GRIP2: variants seen among roughly 807,000 people sequenced by gnomAD.
GRIP2 encodes glutamate receptor interacting protein 2, also known as glutamate receptor-interacting protein 2.
In GRIP2, 58 loss-of-function variants were observed where a neutral mutation model predicts 108.3. The observed-to-expected ratio is 0.54, with a 90% confidence interval of 0.43 to 0.67. GRIP2 has a LOEUF of 0.67. Among genes scored for constraint, GRIP2 ranks in the 30% least tolerant of loss-of-function variants. The pLI, the probability that GRIP2 is intolerant of heterozygous loss-of-function variation, is 0.00. For synonymous variants in GRIP2, 586 were observed against 598.2 expected, an observed-to-expected ratio of 0.98 and a Z score of 0.30; for missense variants, 1,278 against 1,430.6, an observed-to-expected ratio of 0.89 and a Z score of 1.72.
intron 1 of GRIP2, among the ~76,000 whole-genome samples, chr3:14,550,163 G>C (rs11128707): frequency 6.6e-6 from 1 of 152,022 alleles, no homozygotes; most frequent in Non-Finnish European, 1.5e-5. Context: ...AGCCCCCTGC[G>C]CCCCAAACTG....
chr3:14,591,662 A>C, the GRIP2 span, among the ~76,000 whole-genome samples: 1 of 152,194 alleles, frequency 6.6e-6, no homozygotes, highest in African/African-American at 2.4e-5. Flanking sequence ...ACTTTCTGGA[A>C]GGGAGCCTGG....
At chr3:14,544,920 T>C (rs533041077), upstream of GRIP2, among the ~76,000 whole-genome samples, 1 of 152,278 alleles carries the variant, frequency 6.6e-6, no homozygotes, top group East Asian at 1.9e-4. Flanking sequence ...GTATTCCACA[T>C]CTTCCCCAGC....
upstream of GRIP2, among the ~76,000 whole-genome samples, chr3:14,560,137 C>G (rs932440726): frequency 6.6e-6 from 1 of 151,844 alleles, no homozygotes; most frequent in African/African-American, 2.4e-5. Context: ...GCCTATAGTC[C>G]CAGCTACTCA....
At position 14,522,937 on chromosome 3, in the gene GRIP2, C is replaced by T. The variant is rs1011489230; in HGVS notation, c.566+63G>A. On this transcript the variant is annotated intron_variant, in intron 6 of 23. Coordinates refer to ENST00000621039, the MANE Select transcript of GRIP2 (RefSeq NM_001080423.4). The surrounding 1 kb of genome is among the most constrained non-coding windows in gnomAD (Gnocchi z 4.3). ...AAGGGGCATGGTGACCCCACTCCAC[C>T]TTCTTCGCAGGGGAGTTGGGGCAGG... The T allele has an allele frequency of 1.4e-6, 2 of 1,415,020 alleles. No individual in the cohort carries two copies. Among genetic ancestry groups the T allele is most frequent in the East Asian group, 2.3e-5 (1 of 43,902 alleles). The allele number at this position is 1,415,020 out of a possible 1,614,324, so 87.7% of individuals were successfully genotyped here. A position where few individuals can be genotyped will look rare whatever the true frequency, so the allele number is the denominator to read the frequency against.
rs147249909 is a variant in GRIP2, at chr3:14,549,180, T to C, written c.55+6720A>G. ...AGAAATATATGATGAATGTACATAATCTCTGAATTGCCATATTGGAAAGAA... is the reference window on the plus strand; with the variant it reads ...AGAAATATATGATGAATGTACATAACCTCTGAATTGCCATATTGGAAAGAA... On this transcript the variant is annotated intron_variant, in intron 1 of 23. Transcript: ENST00000637182. 5.0e-4 allele frequency among the ~76,000 whole-genome samples: 76 copies of C among 152,380 alleles called. 1 individual carries two copies. The highest frequency in any genetic ancestry group is 1.8e-3 in the African/African-American group (76 of 41,586).
rs968392342 is a variant in GRIP2, at chr3:14,524,482, G to C, written c.314C>G (p.Thr105Ser). Residue 105 changes from threonine (T) to serine (S), a missense_variant, in exon 4 of 24, where the codon ACC becomes AGC. By Grantham distance (58) the Thr-to-Ser change is moderately conservative (BLOSUM62 1). Transcript: ENST00000621039. ...GATGATCTCATCGTGGCGGAGCCTG[G>C]TCAGGTGGATCCCGTTCACAGACCG... ...YIRSVNGIHL[T>S]RLRHDEIITL... The C allele has an allele frequency of 6.3e-7, 1 of 1,575,630 alleles. No individual in the cohort carries two copies. The highest frequency in any genetic ancestry group is 1.3e-5 in the African/African-American group (1 of 74,120).
At chr3:14,508,859 T>C (rs1694002794) in intron 17 of GRIP2, among the ~76,000 whole-genome samples, 1 of 152,170 alleles carries the variant, frequency 6.6e-6, no homozygotes, top group Non-Finnish European at 1.5e-5. Context: ...ATGTGGCTAC[T>C]AGAAAGTGTC....
intron 1 of GRIP2, 183 bp from the exon 2 acceptor site, chr3:14,526,114 G>A: frequency 1.6e-6 from 1 of 630,178 alleles, no homozygotes; most frequent in Non-Finnish European, 2.9e-6. Context: ...AGAAAGCCTG[G>A]CCCCTGCTCT....
At chr3:14,510,752 T>C (rs1694064987) in intron 16 of GRIP2, among the ~76,000 whole-genome samples, 1 of 152,166 alleles carries the variant, frequency 6.6e-6, no homozygotes, top group African/African-American at 2.4e-5. Flanking sequence ...CACTCATTTA[T>C]ATCACTATCT....
At chr3:14,577,268 C>T in the GRIP2 span, among the ~76,000 whole-genome samples, 1 of 152,182 alleles carries the variant, frequency 6.6e-6, no homozygotes, top group Non-Finnish European at 1.5e-5. Flanking sequence ...ACAAATGGTG[C>T]ATGTTTCTTT....
At chr3:14,574,501 C>A in the GRIP2 span, 2 of 731,062 alleles carry the variant, frequency 2.7e-6, no homozygotes, top group Non-Finnish European at 5.0e-6. Flanking sequence ...CGGTCCAGGG[C>A]CCTGCCAGTG....
At chr3:14,547,205 A>T (rs142310560) in intron 1 of GRIP2, among the ~76,000 whole-genome samples, 1 of 152,064 alleles carries the variant, frequency 6.6e-6, no homozygotes, top group African/African-American at 2.4e-5. Context: ...GGAAGGAAAG[A>T]AGAGAGACAG....
chr3:14,595,808 T>C, the GRIP2 span, among the ~76,000 whole-genome samples: 67 of 152,254 alleles, frequency 4.4e-4, no homozygotes, highest in Non-Finnish European at 7.8e-4. Flanking sequence ...GGTGGGGCCA[T>C]GGTGAGGGCC....
chr3:14,503,586 C>G lies in GRIP2; in HGVS notation c.2659G>C (p.Glu887Gln), dbSNP rs952686220. 7 of 1,610,946 alleles carry G rather than the reference C, an allele frequency of 4.3e-6. No individual in the cohort carries two copies. The highest frequency in any genetic ancestry group is 5.9e-6 in the Non-Finnish European group (7 of 1,178,778). Residue 887 changes from glutamate (E) to glutamine (Q), a missense_variant, in exon 21 of 24, where the codon GAG becomes CAG. Glu to Gln is a conservative substitution (Grantham distance 29). Transcript: ENST00000621039. ...LEDLESCGQS[E>Q]LLRELEASIM... ...CATACCTCCAGTTCCCTCAGCAGCT[C>G]TGACTGACCACATGACTCCAGGTCT...
Position 14,511,264 on chromosome 3 carries a change from T to C in GRIP2, c.1834A>G (p.Ile612Val). The C allele has an allele frequency of 6.2e-7, 1 of 1,614,002 alleles. No individual in the cohort carries two copies. Among genetic ancestry groups the C allele is most frequent in the Admixed American group, 1.7e-5 (1 of 60,026 alleles). ...TCCATGGGGCAGTTGTCCAGGCGGATATTGTCAATGGCCAGTAGCTTGTCG... is the reference window on the plus strand; with the variant it reads ...TCCATGGGGCAGTTGTCCAGGCGGACATTGTCAATGGCCAGTAGCTTGTCG... ...PGDKLLAIDN[I>V]RLDNCPMEDA... The change falls in exon 16 of 24, where the codon ATC becomes GTC. Residue 612 changes from isoleucine to valine, a missense_variant. By Grantham distance (29) the Ile-to-Val change is conservative. Coordinates refer to ENST00000621039, the MANE Select transcript of GRIP2 (RefSeq NM_001080423.4). This position sits in a 1 kb window ranked among gnomAD's most constrained non-coding sequence, Gnocchi z 4.1.
chr3:14,518,603 A>G (rs529837844), intron 9 of GRIP2, among the ~76,000 whole-genome samples: 1 of 152,164 alleles, frequency 6.6e-6, no homozygotes, highest in African/African-American at 2.4e-5. Flanking sequence ...TGGCCACCAT[A>G]CAACACCTCT....
Position 14,507,485 on chromosome 3 carries a change from C to A in GRIP2, c.2218+76G>T, listed in dbSNP as rs1266400854. 4 of 1,554,854 alleles carry A rather than the reference C, an allele frequency of 2.6e-6. No individual in the cohort carries two copies. The highest frequency in any genetic ancestry group is 1.4e-5 in the African/African-American group (1 of 73,836). ...GCAGTGAGGACTCTGTGAGGGTGTG[C>A]AGGCAAAGCCTGGCACAGAGGGATT... On this transcript the variant is annotated intron_variant, in intron 18 of 23. Coordinates refer to ENST00000621039, the MANE Select transcript of GRIP2 (RefSeq NM_001080423.4). The surrounding 1 kb of genome is among the most constrained non-coding windows in gnomAD (Gnocchi z 4.6).
chr3:14,496,663 G>T, intron 21 of GRIP2, 103 bp from the exon 22 acceptor site: 1 of 1,458,318 alleles, frequency 6.9e-7, no homozygotes, highest in Non-Finnish European at 9.1e-7. Flanking sequence ...AAGGGACAAT[G>T]GTGAACAGGA....
the GRIP2 span, among the ~76,000 whole-genome samples, chr3:14,589,599 C>A: frequency 6.6e-6 from 1 of 152,064 alleles, no homozygotes; most frequent in Non-Finnish European, 1.5e-5. Flanking sequence ...TTGTCTAGTG[C>A]GTCTGTGATA....
Sources: allele counts gnomAD v4.1 joint callset (sites outside exome capture counted in the v4.1 genomes callset), GRCh38; gene constraint gnomAD v4.1.1; non-coding constraint Gnocchi (gnomAD v3.1); transcripts MANE v1.5; gene names NCBI Gene and HGNC (gene_info 2026-07-23, HGNC 2026-07-21).